Variants in SMARCAL1 observed in about 807,000 individuals in gnomAD.
SMARCAL1 encodes ATP-driven annealing helicase.
SMARCAL1 carries 58 observed loss-of-function variants against 94.5 expected under a neutral mutation model. That is an observed-to-expected ratio of 0.61 (90% confidence interval 0.50 to 0.76). SMARCAL1 has a LOEUF of 0.76. Among genes scored for constraint, SMARCAL1 ranks in the 30% least tolerant of loss-of-function variants. The probability of loss-of-function intolerance (pLI) is 0.00; values close to 1 mark genes in which losing one functional copy is unlikely to be tolerated. For missense variants in SMARCAL1, 1,051 were observed against 1,177.9 expected, an observed-to-expected ratio of 0.89 and a Z score of 1.58; for synonymous variants, 422 against 455.1, an observed-to-expected ratio of 0.93 and a Z score of 0.93.
At position 216,447,007 on chromosome 2, in the gene SMARCAL1, T is replaced by C; in HGVS notation, c.1711-11T>C. On this transcript the variant is annotated splice_polypyrimidine_tract_variant and intron_variant, in intron 10 of 17. Coordinates refer to ENST00000357276, the MANE Select transcript of SMARCAL1 (RefSeq NM_014140.4). ...CTGTGTTCAGAGCACCTTTGGCTGT[T>C]TGTCTTTTAGGTTGCCAAGAGGGTG... is the stretch of plus-strand genomic sequence containing the variant. 6 of 1,614,006 alleles carry C rather than the reference T, an allele frequency of 3.7e-6. No homozygotes were observed. Among genetic ancestry groups the C allele is most frequent in the Non-Finnish European group, 5.1e-6 (6 of 1,179,998 alleles).
chr2:216,455,892 A>G (rs1477810175), intron 12 of SMARCAL1, among the ~76,000 whole-genome samples: 4 of 152,220 alleles, frequency 2.6e-5, no homozygotes, highest in African/African-American at 9.6e-5. Context: ...TCAGATGATC[A>G]GATTTCTCTG....
At chr2:216,428,544 A>T in intron 6 of SMARCAL1, 52 bp from the exon 7 acceptor site, 1 of 1,568,190 alleles carries the variant, frequency 6.4e-7, no homozygotes, top group Non-Finnish European at 8.8e-7. Context: ...TCTTTCTCCA[A>T]ATCTTTTGGG....
intron 12 of SMARCAL1, among the ~76,000 whole-genome samples, chr2:216,460,433 A>C (rs536231218): frequency 6.6e-6 from 1 of 152,122 alleles, no homozygotes; most frequent in Non-Finnish European, 1.5e-5. Context: ...CTTGGAACCA[A>C]CCCAAATGTC....
chr2:216,443,034 T>C (rs1294614715), intron 10 of SMARCAL1, among the ~76,000 whole-genome samples: 2 of 152,120 alleles, frequency 1.3e-5, no homozygotes, highest in African/African-American at 4.8e-5. Flanking sequence ...AAAAGGAAAT[T>C]ATTAGAGTTT....
At chr2:216,469,310 C>G (rs1026409593) in intron 14 of SMARCAL1, among the ~76,000 whole-genome samples, 1 of 85,180 alleles carries the variant, frequency 1.2e-5, no homozygotes, top group African/African-American at 4.7e-5. Context: ...TTGAAACAGT[C>G]TTGCTCTGTC....
chr2:216,474,128 CTTTTTTTTTTT>C (rs1182416023), intron 14 of SMARCAL1, among the ~76,000 whole-genome samples: 5 of 64,928 alleles, frequency 7.7e-5, no homozygotes, highest in Non-Finnish European at 1.2e-4. Flanking sequence ...GTATAGCATT[CTTTTTTTTTTT>C]TTTTTTTTTT....
intron 7 of SMARCAL1, among the ~76,000 whole-genome samples, chr2:216,432,336 C>G (rs573158343): frequency 6.6e-6 from 1 of 152,254 alleles, no homozygotes; most frequent in African/African-American, 2.4e-5. Flanking sequence ...AGTAAGCATG[C>G]CCTCCTCAGT....
chr2:216,412,908 T>G (rs992399516), intron 1 of SMARCAL1: 3 of 152,090 alleles, frequency 2.0e-5, no homozygotes, highest in Non-Finnish European at 2.9e-5. Context: ...TTGGGGCTGA[T>G]CAGTGGGTCT....
At chr2:216,431,392 G>T (rs1225195198) in intron 7 of SMARCAL1, among the ~76,000 whole-genome samples, 1 of 152,256 alleles carries the variant, frequency 6.6e-6, no homozygotes, top group Non-Finnish European at 1.5e-5. Flanking sequence ...AAGAAGACTA[G>T]TATTTGGCAC....
chr2:216,457,457 A>G (rs146689412), intron 12 of SMARCAL1, among the ~76,000 whole-genome samples: 92 of 152,318 alleles, frequency 6.0e-4, no homozygotes, highest in African/African-American at 2.1e-3. Flanking sequence ...CTCCTCAGCA[A>G]ATGTAGAAGA....
At chr2:216,434,238 C>T (rs1694024666) in intron 8 of SMARCAL1, among the ~76,000 whole-genome samples, 1 of 152,198 alleles carries the variant, frequency 6.6e-6, no homozygotes, top group African/African-American at 2.4e-5. Flanking sequence ...AGAGAAAAGG[C>T]CAGCCCTCCC....
At chr2:216,480,063 A>G (rs1222965706) in intron 17 of SMARCAL1, among the ~76,000 whole-genome samples, 2 of 152,188 alleles carry the variant, frequency 1.3e-5, no homozygotes, top group Non-Finnish European at 2.9e-5. Flanking sequence ...AAAAAGAAAA[A>G]AAAGAAAGCC....
intron 6 of SMARCAL1, among the ~76,000 whole-genome samples, chr2:216,425,325 C>T (rs1693807092): frequency 6.6e-6 from 1 of 152,242 alleles, no homozygotes; most frequent in African/African-American, 2.4e-5. Flanking sequence ...TGCAGCTGGA[C>T]TAGGCATACC....
In SMARCAL1 at chr2:216,447,164, T is replaced by G; in HGVS notation, c.1851+6T>G. 1 of 1,613,956 alleles carries G rather than the reference T, an allele frequency of 6.2e-7. No individual in the cohort carries two copies. The highest frequency in any genetic ancestry group is 8.5e-7 in the Non-Finnish European group (1 of 1,179,984). On this transcript the variant is annotated splice_donor_region_variant and intron_variant, in intron 11 of 17. Transcript: ENST00000357276. The stretch of plus-strand genomic sequence containing the variant: ...GCTACTGTGATGCCAAACGGGTATG[T>G]ATTATCTCTTCCCTCCCAGCCCACC...
At chr2:216,480,513 G>A (rs774067683) in intron 17 of SMARCAL1, among the ~76,000 whole-genome samples, 26 of 152,214 alleles carry the variant, frequency 1.7e-4, no homozygotes, top group South Asian at 4.1e-4. Flanking sequence ...CAGTCATTCA[G>A]AAAGAGGCTG....
chr2:216,450,968 GCGCAAGATA>G lies in SMARCAL1; in HGVS notation c.1975_1983del (p.Arg659_Ile661del). The G allele has an allele frequency of 6.2e-7, 1 of 1,614,254 alleles. No homozygotes were observed. The highest frequency in any genetic ancestry group is 8.5e-7 in the Non-Finnish European group (1 of 1,180,038). ...TCCTTTCCCAGCTGCCTGCCAAGCA[GCGCAAGATA>G]GTGGTGATTGCCCCAGGACGGATCA... On this transcript the variant is annotated inframe_deletion, in exon 12 of 18. Transcript: ENST00000357276.
chr2:216,474,128 CTTTTTTT>C (rs1182416023), intron 14 of SMARCAL1, among the ~76,000 whole-genome samples: 28 of 64,918 alleles, frequency 4.3e-4, no homozygotes, highest in Non-Finnish European at 2.6e-4. Context: ...GTATAGCATT[CTTTTTTT>C]TTTTTTTTTT....
At chr2:216,457,551 C>T (rs1298619401) in intron 12 of SMARCAL1, among the ~76,000 whole-genome samples, 1 of 152,204 alleles carries the variant, frequency 6.6e-6, no homozygotes, top group Non-Finnish European at 1.5e-5. Flanking sequence ...AACTGCTCAA[C>T]TACATGGAAA....
At position 216,475,178 on chromosome 2, in the gene SMARCAL1, C is replaced by T; in HGVS notation, c.2245-91C>T. ...GCAGGGGCCTCTGCTGAGCTGGAACCTGGTTCTGTGCTGGAGCTGTGGCTG... is the reference window on the plus strand; with the variant it reads ...GCAGGGGCCTCTGCTGAGCTGGAACTTGGTTCTGTGCTGGAGCTGTGGCTG... On this transcript the variant is annotated intron_variant, in intron 14 of 17. Coordinates refer to ENST00000357276, the MANE Select transcript of SMARCAL1 (RefSeq NM_014140.4). This position sits in a 1 kb window ranked among gnomAD's most constrained non-coding sequence, Gnocchi z 4.4. 7.4e-7 allele frequency: 1 copy of T among 1,351,318 alleles called. No homozygotes were observed. Among genetic ancestry groups the T allele is most frequent in the Non-Finnish European group, 1.1e-6 (1 of 950,498 alleles). 83.7% of individuals were successfully genotyped at this position (1,351,318 alleles called of 1,614,324 possible). A position where few individuals can be genotyped will look rare whatever the true frequency, so the allele number is the denominator to read the frequency against.
Sources: gnomAD v4.1 joint callset for allele counts (sites outside exome capture counted in the v4.1 genomes callset) on GRCh38, gnomAD v4.1.1 for gene constraint, Gnocchi (gnomAD v3.1) non-coding constraint, MANE v1.5 for transcripts, NCBI Gene and HGNC (gene_info 2026-07-23, HGNC 2026-07-21) for gene names.